CCSER1: variants seen among roughly 807,000 people sequenced by gnomAD.
CCSER1 encodes the protein serine-rich coiled-coil domain-containing protein 1.
CCSER1 carries 41 observed loss-of-function variants against 82.0 expected under a neutral mutation model. The observed-to-expected ratio is 0.50, with a 90% CI of 0.39 to 0.65. The LOEUF (loss-of-function observed/expected upper bound fraction) is 0.65, where lower values mean the gene tolerates loss of function less well. CCSER1 is among the 30% of genes least tolerant of loss of function. CCSER1 has a pLI of 0.00. For missense variants in CCSER1, 1,119 were observed against 1,064.2 expected (o/e 1.05, Z -0.72); for synonymous variants, 414 against 383.9 (o/e 1.08, Z -0.92).
Position 90,840,217 on chromosome 4 carries a change from C to T in CCSER1, c.2094+24372C>T, listed in dbSNP as rs57145459. 6.2e-3 allele frequency among the ~76,000 whole-genome samples: 940 copies of T among 151,912 alleles called. 7 individuals are homozygous for T. The highest frequency in any genetic ancestry group is 0.022 in the African/African-American group (891 of 41,426). ...AGAGAAAAATTTTAAATAGTTCTAC[C>T]AATATCTAATATTAAATGTGTGTGG... On this transcript the variant is annotated intron_variant, in intron 8 of 10. Coordinates refer to ENST00000509176, the MANE Select transcript of CCSER1 (RefSeq NM_001145065.2).
intron 1 of CCSER1, among the ~76,000 whole-genome samples, chr4:90,131,151 C>G (rs886150693): frequency 6.6e-6 from 1 of 152,040 alleles, no homozygotes; most frequent in Admixed American, 6.5e-5. Flanking sequence ...GCACGCGCCA[C>G]CACACCCAGC....
intron 10 of CCSER1, among the ~76,000 whole-genome samples, chr4:91,273,443 G>A (rs552294618): frequency 1.4e-4 from 21 of 152,208 alleles, no homozygotes; most frequent in African/African-American, 4.8e-4. Flanking sequence ...ACTGATTTGT[G>A]TGCATTAATT....
chr4:90,957,069 G>GCAGATC (rs1391679864), intron 9 of CCSER1, among the ~76,000 whole-genome samples: 1 of 142,066 alleles, frequency 7.0e-6, no homozygotes, highest in East Asian at 2.1e-4. Flanking sequence ...TGAATCAGCA[G>GCAGATC]CAGATCCAGC....
At chr4:91,470,954 G>A (rs1413420521) in intron 10 of CCSER1, among the ~76,000 whole-genome samples, 3 of 152,114 alleles carry the variant, frequency 2.0e-5, no homozygotes, top group Non-Finnish European at 4.4e-5. Flanking sequence ...ATATTCTAAT[G>A]TATATGATGC....
intron 10 of CCSER1, among the ~76,000 whole-genome samples, chr4:91,368,552 T>C (rs1336575592): frequency 6.6e-6 from 1 of 152,164 alleles, no homozygotes; most frequent in Admixed American, 6.5e-5. Flanking sequence ...ATATAAGAGA[T>C]ATGTTTTATG....
At chr4:91,427,021 A>G (rs1222630565) in intron 10 of CCSER1, among the ~76,000 whole-genome samples, 1 of 152,184 alleles carries the variant, frequency 6.6e-6, no homozygotes, top group African/African-American at 2.4e-5. Flanking sequence ...CTAACATCAT[A>G]GAATAATGAT....
intron 9 of CCSER1, among the ~76,000 whole-genome samples, chr4:90,960,558 T>TC (rs1407881573): frequency 2.0e-5 from 3 of 152,182 alleles, no homozygotes; most frequent in African/African-American, 4.8e-5. Context: ...TCCACCACTC[T>TC]CAGCCTATCC....
chr4:91,260,627 A>G (rs765020262), intron 10 of CCSER1, among the ~76,000 whole-genome samples: 2 of 152,190 alleles, frequency 1.3e-5, no homozygotes, highest in Admixed American at 6.5e-5. Flanking sequence ...TCGTGGTTCT[A>G]TGAAATTTGA....
chr4:91,148,527 C>T (rs990916465), intron 10 of CCSER1, among the ~76,000 whole-genome samples: 3 of 151,906 alleles, frequency 2.0e-5, no homozygotes, highest in African/African-American at 4.8e-5. Context: ...GGTTCATGTG[C>T]GCAACGTGCA....
At chr4:90,668,205 A>G (rs1732155131) in intron 6 of CCSER1, among the ~76,000 whole-genome samples, 1 of 152,188 alleles carries the variant, frequency 6.6e-6, no homozygotes, top group Non-Finnish European at 1.5e-5. Flanking sequence ...AGGAGGTCAA[A>G]TGATTTTTCT....
At chr4:90,687,209 C>T (rs573920833) in intron 6 of CCSER1, among the ~76,000 whole-genome samples, 1 of 152,000 alleles carries the variant, frequency 6.6e-6, no homozygotes, top group African/African-American at 2.4e-5. Context: ...ATGTAAAATT[C>T]TTTTTTTCAA....
rs767867925 is a variant in CCSER1, at chr4:90,308,575, C to T, written c.291C>T (p.His97=). 1.2e-6 allele frequency: 2 copies of T among 1,613,930 alleles called. No homozygotes were observed. The highest frequency in any genetic ancestry group is 2.2e-5 in the South Asian group (2 of 91,078). Residue 97 remains histidine, a synonymous_variant, in exon 2 of 11, where the codon CAC becomes CAT. Coordinates refer to ENST00000509176, the MANE Select transcript of CCSER1 (RefSeq NM_001145065.2). ...TTTCAAATGGTGCTCAACCTGGTCA[C>T]AGCAATATGCAGAAACTGAGTTTGG... ...LSISNGAQPG[H]SNMQKLSLEE...
intron 10 of CCSER1, among the ~76,000 whole-genome samples, chr4:91,312,996 G>A (rs1745591655): frequency 6.6e-6 from 1 of 151,752 alleles, no homozygotes; most frequent in Admixed American, 6.6e-5. Context: ...AAATAAGCCT[G>A]CTCTTTTTTA....
At chr4:91,411,525 T>TATATATATATAA (rs1206328984) in intron 10 of CCSER1, among the ~76,000 whole-genome samples, 3 of 129,548 alleles carry the variant, frequency 2.3e-5, no homozygotes, top group Non-Finnish European at 4.8e-5. Context: ...TATATATATA[T>TATATATATATAA]AAAATCTTGA....
intron 10 of CCSER1, among the ~76,000 whole-genome samples, chr4:91,463,671 A>C (rs1250940461): frequency 6.6e-6 from 1 of 152,206 alleles, no homozygotes; most frequent in Non-Finnish European, 1.5e-5. Context: ...GACCTGATGG[A>C]GCTGAAAACC....
chr4:90,650,240 A>G (rs1728485217), intron 6 of CCSER1, among the ~76,000 whole-genome samples: 1 of 148,572 alleles, frequency 6.7e-6, no homozygotes, highest in African/African-American at 2.5e-5. Context: ...CAAACAAACA[A>G]ACAGAAAGAA....
intron 10 of CCSER1, among the ~76,000 whole-genome samples, chr4:91,135,796 T>G (rs1045499245): frequency 3.3e-5 from 5 of 152,170 alleles, no homozygotes; most frequent in Non-Finnish European, 5.9e-5. Flanking sequence ...GGGTGCAGCA[T>G]GAAGGGAGTT....
intron 7 of CCSER1, among the ~76,000 whole-genome samples, chr4:90,728,704 T>C (rs1302142234): frequency 6.6e-6 from 1 of 152,088 alleles, no homozygotes; most frequent in East Asian, 1.9e-4. Context: ...CATGAAATAC[T>C]GGTATGTTAA....
chr4:91,029,613 T>C (rs1319683410), intron 9 of CCSER1, among the ~76,000 whole-genome samples: 1 of 152,056 alleles, frequency 6.6e-6, no homozygotes, highest in Non-Finnish European at 1.5e-5. Context: ...TTCAAAGTCA[T>C]AGAAGAACTA....
Sources: allele counts gnomAD v4.1 joint callset (sites outside exome capture counted in the v4.1 genomes callset), GRCh38; gene constraint gnomAD v4.1.1; transcripts MANE v1.5; gene names NCBI Gene and HGNC (gene_info 2026-07-23, HGNC 2026-07-21).